INTS13: variants seen among roughly 807,000 people sequenced by gnomAD.
The protein encoded by INTS13 is asunder, spermatogenesis regulator homolog (Drosphila).
A neutral mutation model predicts 90.2 loss-of-function variants in INTS13; 35 were observed. The ratio of observed to expected loss-of-function variants is 0.39; its 90% CI spans 0.30 to 0.51. The LOEUF is 0.51. INTS13 is among the 20% of genes least tolerant of loss of function. INTS13 has a pLI of 0.80. For synonymous variants in INTS13, 309 were observed against 277.1 expected (o/e 1.11, Z -1.14); for missense variants, 601 against 851.2 (o/e 0.71, Z 3.66).
At position 26,925,809 on chromosome 12, in the gene INTS13, G is replaced by C; in HGVS notation, c.627C>G (p.Thr209=). The C allele has an allele frequency of 1.9e-6, 3 of 1,613,014 alleles. No homozygotes were observed. Among genetic ancestry groups the C allele is most frequent in the Non-Finnish European group, 2.5e-6 (3 of 1,179,380 alleles). ...CAAGGCTGTCTTCACCAACTGGGTA[G>C]GTGTGGATCAAGACCAACTCACATT... ...IQKCELVLIH[T]YPVGEDSLVS... is the part of the protein sequence containing the mutation. The change falls in exon 6 of 17, where the codon ACC becomes ACG. Residue 209 remains threonine, a synonymous_variant. Transcript: ENST00000261191.
intron 15 of INTS13, among the ~76,000 whole-genome samples, chr12:26,906,692 C>T (rs554509771): frequency 4.6e-5 from 7 of 152,210 alleles, no homozygotes; most frequent in Non-Finnish European, 1.0e-4. Flanking sequence ...TGTAAAGTTA[C>T]ACTCCTGGTT....
chr12:26,916,109 C>T lies in INTS13; in HGVS notation c.1141G>A (p.Gly381Arg), dbSNP rs1951927020. The T allele has an allele frequency of 6.2e-7, 1 of 1,613,782 alleles. No individual in the cohort carries two copies. Among genetic ancestry groups the T allele is most frequent in the South Asian group, 1.1e-5 (1 of 91,088 alleles). Residue 381 changes from glycine to arginine, a missense_variant, in exon 11 of 17, where the codon GGA becomes AGA. This residue lies in a region of INTS13 where 89 missense variants were observed against 191.0 expected (regional missense o/e 0.47). Coordinates refer to ENST00000261191, the MANE Select transcript of INTS13 (RefSeq NM_018164.3). ...KVISHMLSSHGGEIFLHVLSS... is the reference protein window; with the variant it reads ...KVISHMLSSHRGEIFLHVLSS... ...AGGACGTGCAAAAAAATCTCTCCTC[C>T]ATGGCTACTAAGCATATGACTAATG...
At chr12:26,927,802 G>C (rs999195568) in intron 5 of INTS13, among the ~76,000 whole-genome samples, 1 of 152,012 alleles carries the variant, frequency 6.6e-6, no homozygotes, top group Non-Finnish European at 1.5e-5. Flanking sequence ...TTTTTGTAGA[G>C]ACGGGGTTTT....
chr12:26,917,762 A>G (rs369052072), intron 8 of INTS13, 29 bp from the exon 9 acceptor site: 4 of 1,352,902 alleles, frequency 3.0e-6, no homozygotes, highest in East Asian at 2.8e-5. Context: ...GACATTACAC[A>G]TTGTATACAT....
At chr12:26,917,977 C>T (rs1311161489) in intron 8 of INTS13, among the ~76,000 whole-genome samples, 1 of 151,978 alleles carries the variant, frequency 6.6e-6, no homozygotes, top group Non-Finnish European at 1.5e-5. Context: ...CAGAAATGTG[C>T]CAGGCGCAGT....
intron 15 of INTS13, 49 bp downstream of exon 15, chr12:26,911,129 C>A: frequency 6.4e-7 from 1 of 1,573,746 alleles, no homozygotes; most frequent in Non-Finnish European, 8.6e-7. Flanking sequence ...GCCACCACAC[C>A]CGGCCTGGAA....
chr12:26,905,718 T>C (rs770846183), intron 16 of INTS13, among the ~76,000 whole-genome samples, 182 bp from the exon 17 acceptor site: 1 of 152,174 alleles, frequency 6.6e-6, no homozygotes, highest in African/African-American at 2.4e-5. Flanking sequence ...ACAGTGAAAA[T>C]TGAGGCCTTG....
intron 3 of INTS13, among the ~76,000 whole-genome samples, chr12:26,932,525 A>G (rs1938250905): frequency 6.6e-6 from 1 of 152,248 alleles, no homozygotes; most frequent in Non-Finnish European, 1.5e-5. Flanking sequence ...AAAGGTATCA[A>G]ATATGGATAC....
At chr12:26,928,614 T>A (rs1189974937) in intron 4 of INTS13, 89 bp downstream of exon 4, 4 of 1,349,394 alleles carry the variant, frequency 3.0e-6, no homozygotes, top group Non-Finnish European at 4.1e-6. Flanking sequence ...AACGTAAACA[T>A]GTAAACATGC....
intron 10 of INTS13, 118 bp from the exon 11 acceptor site, chr12:26,916,298 C>T (rs1951934221): frequency 3.2e-6 from 3 of 934,672 alleles, no homozygotes; most frequent in East Asian, 2.6e-5. Context: ...TTTTAACCAG[C>T]ATTGCTAATT....
chr12:26,926,084 T>C (rs1937858481), intron 5 of INTS13, among the ~76,000 whole-genome samples: 5 of 152,180 alleles, frequency 3.3e-5, no homozygotes, highest in Admixed American at 3.3e-4. Context: ...ATTGTGAGTG[T>C]CTGAAGGATA....
In INTS13 at chr12:26,917,648, G is replaced by A. The variant is rs773028227; in HGVS notation, c.975C>T (p.Asn325=). Residue 325 remains asparagine (N), a synonymous_variant, in exon 9 of 17, where the codon AAC becomes AAT. Coordinates refer to ENST00000261191, the MANE Select transcript of INTS13 (RefSeq NM_018164.3). ...TLKWCTPRTN[N]IELHYCTGAY... is the part of the protein sequence containing the mutation. ...CAGTTATTCTTAAATACCTACCAATGTTATTTGTCCTTGGTGTACACCACT... is the reference window on the plus strand; with the variant it reads ...CAGTTATTCTTAAATACCTACCAATATTATTTGTCCTTGGTGTACACCACT... 1.9e-6 allele frequency: 3 copies of A among 1,611,464 alleles called. No homozygotes were observed. The South Asian group carries it at 3.3e-5, about 18-fold the overall frequency.
At chr12:26,926,569 C>G (rs1937886792) in intron 5 of INTS13, among the ~76,000 whole-genome samples, 1 of 152,150 alleles carries the variant, frequency 6.6e-6, no homozygotes, top group African/African-American at 2.4e-5. Flanking sequence ...TAAAAAAGTC[C>G]ACATTGCAAT....
At chr12:26,934,039 G>A (rs1160291706) in intron 3 of INTS13, among the ~76,000 whole-genome samples, 1 of 152,132 alleles carries the variant, frequency 6.6e-6, no homozygotes, top group African/African-American at 2.4e-5. Context: ...AAGGGAAGGG[G>A]ACAGGCATTA....
At chr12:26,936,165 G>A (rs116047152) in intron 2 of INTS13, among the ~76,000 whole-genome samples, 1,566 of 152,274 alleles carry the variant, frequency 0.01, 19 homozygotes, top group African/African-American at 0.036. Context: ...TTCCGGATCT[G>A]CAACAGGGAA....
chr12:26,936,218 G>A (rs1938450349), intron 2 of INTS13, among the ~76,000 whole-genome samples: 1 of 152,208 alleles, frequency 6.6e-6, no homozygotes, highest in Admixed American at 6.5e-5. Flanking sequence ...TGCCAGCACA[G>A]TTTGACAGCA....
chr12:26,920,647 C>T (rs1055475856), intron 8 of INTS13, among the ~76,000 whole-genome samples: 4 of 152,138 alleles, frequency 2.6e-5, no homozygotes, highest in Non-Finnish European at 5.9e-5. Context: ...CCTGCCTTAG[C>T]CTCCCAAAGT....
chr12:26,931,120 C>A (rs1459800657), intron 3 of INTS13, among the ~76,000 whole-genome samples: 2 of 150,710 alleles, frequency 1.3e-5, no homozygotes, highest in Non-Finnish European at 3.0e-5. Context: ...CCTCGGAGAA[C>A]AATAAAATAA....
chr12:26,921,980 A>G (rs1952131619), intron 8 of INTS13, among the ~76,000 whole-genome samples: 1 of 152,196 alleles, frequency 6.6e-6, no homozygotes, highest in Non-Finnish European at 1.5e-5. Flanking sequence ...ATTAAATACA[A>G]AATTCCAGAA....
Sources: gnomAD v4.1 joint callset for allele counts (sites outside exome capture counted in the v4.1 genomes callset) on GRCh38, gnomAD v4.1.1 for gene constraint, gnomAD v4.1.1 regional missense constraint, MANE v1.5 for transcripts, NCBI Gene and HGNC (gene_info 2026-07-23, HGNC 2026-07-21) for gene names.